INPP4B: variants seen among roughly 807,000 people sequenced by gnomAD.
The protein encoded by INPP4B is inositol polyphosphate 4-phosphatase type II.
In INPP4B, 55 loss-of-function variants were observed where a neutral mutation model predicts 122.5. The ratio of observed to expected loss-of-function variants is 0.45; its 90% CI spans 0.36 to 0.56. The LOEUF is 0.56. Ranked by LOEUF, INPP4B falls within the 20% of genes least tolerant of loss-of-function variation. The pLI is 0.00. For missense variants in INPP4B, 1,000 were observed against 1,097.7 expected (o/e 0.91, Z 1.26); for synonymous variants, 403 against 388.7 (o/e 1.04, Z -0.43).
chr4:142,325,169 A>G (rs1771853614), intron 7 of INPP4B, among the ~76,000 whole-genome samples: 1 of 152,222 alleles, frequency 6.6e-6, no homozygotes, highest in African/African-American at 2.4e-5. Context: ...TGTTGCCAGA[A>G]GGAGCAGTGC....
At chr4:142,359,520 C>T (rs949671148) in intron 7 of INPP4B, among the ~76,000 whole-genome samples, 3 of 151,952 alleles carry the variant, frequency 2.0e-5, no homozygotes, top group Non-Finnish European at 2.9e-5. Context: ...ATCTAAACCT[C>T]GTCCCATTTT....
chr4:142,629,088 C>T (rs1010418293), intron 2 of INPP4B, among the ~76,000 whole-genome samples: 6 of 151,998 alleles, frequency 3.9e-5, no homozygotes, highest in Non-Finnish European at 5.9e-5. Flanking sequence ...CCTTCCAGGA[C>T]TAAGGATGTA....
Position 142,413,539 on chromosome 4 carries a change from A to G in INPP4B, c.137-8215T>C, listed in dbSNP as rs547040071. ...ATATTTTCCATATTTTAGGGTTTTT[A>G]TTATTAAAGATAATACATAAAACAT... On this transcript the variant is annotated intron_variant, in intron 5 of 25. Coordinates refer to ENST00000262992, the MANE Select transcript of INPP4B (RefSeq NM_001101669.3). Among the ~76,000 whole-genome samples the G allele has an allele frequency of 5.3e-5, 8 of 152,312 alleles. No individual in the cohort carries two copies. The South Asian group carries it at 1.7e-3, about 32-fold the overall frequency.
Position 142,063,073 on chromosome 4 carries a change from A to G in INPP4B, c.2642+18958T>C, listed in dbSNP as rs143006845. On this transcript the variant is annotated intron_variant, in intron 25 of 25. Coordinates refer to ENST00000262992, the MANE Select transcript of INPP4B (RefSeq NM_001101669.3). ...GATAAAGATGCCAAAGCCTTCTTTTATATGTAAGAATGTTGATTCAACATT... is the reference window on the plus strand; with the variant it reads ...GATAAAGATGCCAAAGCCTTCTTTTGTATGTAAGAATGTTGATTCAACATT... Among the ~76,000 whole-genome samples the G allele has an allele frequency of 2.1e-3, 326 of 152,328 alleles. 3 individuals are homozygous for G. The highest frequency in any genetic ancestry group is 7.5e-3 in the African/African-American group (312 of 41,582).
In INPP4B at chr4:142,371,044, T is replaced by C. The variant is rs565508013; in HGVS notation, c.372+31894A>G. Among the ~76,000 whole-genome samples, 138 of 151,964 alleles carry C rather than the reference T, an allele frequency of 9.1e-4. 2 individuals are homozygous for C. The highest frequency in any genetic ancestry group is 3.1e-3 in the African/African-American group (129 of 41,466). On this transcript the variant is annotated intron_variant, in intron 7 of 25. Coordinates refer to ENST00000262992, the MANE Select transcript of INPP4B (RefSeq NM_001101669.3). ...CCTGACTTCAAAATATACTACAAAG[T>C]TATAGCAACCAAAACAGCATGGTAT...
At chr4:142,228,438 G>A (rs867787120) in intron 12 of INPP4B, among the ~76,000 whole-genome samples, 28 of 151,964 alleles carry the variant, frequency 1.8e-4, no homozygotes, top group African/African-American at 6.8e-4. Flanking sequence ...AATATCCAAA[G>A]CTATCAGTTC....
intron 2 of INPP4B, among the ~76,000 whole-genome samples, chr4:142,653,812 C>A (rs573303243): frequency 6.6e-6 from 1 of 152,252 alleles, no homozygotes; most frequent in East Asian, 1.9e-4. Flanking sequence ...GACAGTGTGG[C>A]AATTCCTCAA....
At chr4:142,398,537 A>C (rs1267799820) in intron 7 of INPP4B, among the ~76,000 whole-genome samples, 1 of 149,600 alleles carries the variant, frequency 6.7e-6, no homozygotes, top group Non-Finnish European at 1.5e-5. Context: ...TGGATGAAGA[A>C]GAAAGCCAAC....
chr4:142,369,365 C>T (rs1023972153), intron 7 of INPP4B, among the ~76,000 whole-genome samples: 9 of 151,816 alleles, frequency 5.9e-5, no homozygotes, highest in Admixed American at 5.3e-4. Context: ...GGGAGGAATG[C>T]TTGAGCCAAG....
At chr4:142,758,369 G>T (rs1770803500) in intron 1 of INPP4B, among the ~76,000 whole-genome samples, 1 of 152,058 alleles carries the variant, frequency 6.6e-6, no homozygotes, top group Non-Finnish European at 1.5e-5. Context: ...ACATTACCAG[G>T]CAAAAGAATC....
chr4:142,545,823 A>ATATATATACACATGTATATGTGTG (rs1560782754), intron 2 of INPP4B, among the ~76,000 whole-genome samples: 1,129 of 58,704 alleles, frequency 0.019, 149 homozygotes, highest in Middle Eastern at 0.062. Flanking sequence ...ACATGTGTGT[A>ATATATATACACATGTATATGTGTG]TATATATATA....
intron 7 of INPP4B, among the ~76,000 whole-genome samples, chr4:142,336,597 C>G (rs574306181): frequency 6.6e-6 from 1 of 152,266 alleles, no homozygotes; most frequent in East Asian, 1.9e-4. Context: ...ATAACACCCC[C>G]TGGGGCTTCG....
At chr4:142,485,958 G>A (rs2149759063) in intron 2 of INPP4B, among the ~76,000 whole-genome samples, 1 of 152,226 alleles carries the variant, frequency 6.6e-6, no homozygotes, top group East Asian at 1.9e-4. Flanking sequence ...AGATCTGGCT[G>A]ACAGAGTGCA....
chr4:142,514,249 C>G (rs1359646149), intron 2 of INPP4B: 1 of 152,180 alleles, frequency 6.6e-6, no homozygotes, highest in Non-Finnish European at 1.5e-5. Flanking sequence ...CCCCATCAGC[C>G]CTCATGTGGT....
chr4:142,333,220 G>A (rs551194486), intron 7 of INPP4B, among the ~76,000 whole-genome samples: 3 of 152,060 alleles, frequency 2.0e-5, no homozygotes, highest in Non-Finnish European at 4.4e-5. Flanking sequence ...TCCTTAAAAC[G>A]AGATTGTTGT....
At chr4:142,196,089 C>T (rs1281224627) in intron 14 of INPP4B, among the ~76,000 whole-genome samples, 1 of 152,094 alleles carries the variant, frequency 6.6e-6, no homozygotes, top group East Asian at 1.9e-4. Flanking sequence ...GAATAGTCTC[C>T]TCCTCTCATA....
At chr4:142,519,596 G>A (rs929852931) in intron 2 of INPP4B, among the ~76,000 whole-genome samples, 1 of 152,078 alleles carries the variant, frequency 6.6e-6, no homozygotes, top group Middle Eastern at 3.2e-3. Context: ...AAGCAAATAT[G>A]AATTCCTTCA....
chr4:142,198,239 T>C (rs960323170), intron 14 of INPP4B, among the ~76,000 whole-genome samples: 4 of 152,048 alleles, frequency 2.6e-5, no homozygotes, highest in African/African-American at 9.7e-5. Context: ...TTTTCAAGGG[T>C]TACCCTAATT....
chr4:142,757,624 C>T (rs1770692010), intron 1 of INPP4B, among the ~76,000 whole-genome samples: 2 of 152,096 alleles, frequency 1.3e-5, no homozygotes, highest in African/African-American at 4.8e-5. Flanking sequence ...CTCATTTCTT[C>T]TTAGCACTGA....
Sources: gnomAD v4.1 joint callset for allele counts (sites outside exome capture counted in the v4.1 genomes callset) on GRCh38, gnomAD v4.1.1 for gene constraint, MANE v1.5 for transcripts, NCBI Gene and HGNC (gene_info 2026-07-23, HGNC 2026-07-21) for gene names.